CADM2: variants seen among roughly 807,000 people sequenced by gnomAD.
The protein encoded by CADM2 is cell adhesion molecule 2, also known as immunoglobulin superfamily member 4D.
A neutral mutation model predicts 49.8 loss-of-function variants in CADM2; 12 were observed. The observed-to-expected ratio is 0.24, with a 90% CI of 0.15 to 0.39. CADM2 has a LOEUF of 0.39. CADM2 is among the 10% of genes least tolerant of loss of function. The pLI is 1.00. For synonymous variants in CADM2, 214 were observed against 175.4 expected, an observed-to-expected ratio of 1.22 and a Z score of -1.74; for missense variants, 378 against 492.3, an observed-to-expected ratio of 0.77 and a Z score of 2.20.
intron 1 of CADM2, among the ~76,000 whole-genome samples, chr3:85,270,173 T>C (rs1287479198): frequency 6.6e-6 from 1 of 151,332 alleles, no homozygotes. Context: ...TAAAATATTT[T>C]AAAATGGAAT....
At chr3:85,511,765 C>A in intron 1 of CADM2, 1 of 378,020 alleles carries the variant, frequency 2.6e-6, no homozygotes, top group Non-Finnish European at 3.6e-6. Flanking sequence ...AGAATTGTGA[C>A]TGTAATCCAC....
intron 1 of CADM2, among the ~76,000 whole-genome samples, chr3:85,416,969 C>T (rs2035946137): frequency 6.6e-6 from 1 of 151,872 alleles, no homozygotes. Context: ...TTCAATTGTG[C>T]TTTATTCAAA....
intron 8 of CADM2, among the ~76,000 whole-genome samples, chr3:86,049,623 G>C (rs1737102891): frequency 6.6e-6 from 1 of 152,110 alleles, no homozygotes; most frequent in Admixed American, 6.5e-5. Flanking sequence ...GGCTGTACGA[G>C]AAATGCGATG....
intron 8 of CADM2, among the ~76,000 whole-genome samples, chr3:86,002,016 A>G (rs1469656270): frequency 7.9e-5 from 12 of 152,098 alleles, no homozygotes; most frequent in Admixed American, 6.5e-4. Context: ...ATGGGAACAG[A>G]TGAGTGGATG....
intron 1 of CADM2, among the ~76,000 whole-genome samples, chr3:85,055,352 T>C (rs1468731333): frequency 1.3e-5 from 2 of 151,972 alleles, no homozygotes; most frequent in African/African-American, 4.8e-5. Context: ...GGAAACTTTC[T>C]TTTCCAAGCC....
chr3:85,416,225 GGGAGGT>G (rs1447671093), intron 1 of CADM2, among the ~76,000 whole-genome samples: 1 of 151,950 alleles, frequency 6.6e-6, no homozygotes, highest in Non-Finnish European at 1.5e-5. Flanking sequence ...TGATATTAGA[GGGAGGT>G]AGTCTATTTA....
At chr3:86,049,412 C>G (rs1386000377) in intron 8 of CADM2, among the ~76,000 whole-genome samples, 1 of 151,548 alleles carries the variant, frequency 6.6e-6, no homozygotes, top group East Asian at 1.9e-4. Context: ...GTAGCTGGGA[C>G]TACAGGCACC....
intron 1 of CADM2, among the ~76,000 whole-genome samples, chr3:85,554,884 T>TTA (rs200557592): frequency 0.029 from 4,282 of 150,150 alleles, 169 homozygotes; most frequent in South Asian, 0.1. Flanking sequence ...TTATTTTTAT[T>TTA]TTTTTTTTTT....
rs551020303 is a variant in CADM2 at position 85,769,468 on chromosome 3, A to G, written c.89-32579A>G. 5.5e-5 allele frequency among the ~76,000 whole-genome samples: 3 copies of G among 54,928 alleles called. 1 individual carries two copies. Among genetic ancestry groups the G allele is most frequent in the African/African-American group, 3.7e-4 (3 of 8,162 alleles). The allele number at this position is 54,928 out of a possible 152,430, so 36.0% of individuals were successfully genotyped here. A position where few individuals can be genotyped will look rare whatever the true frequency, so the allele number is the denominator to read the frequency against. On this transcript the variant is annotated intron_variant, in intron 2 of 9. Transcript: ENST00000383699. ...CACGTATATACATATATACATATAT[A>G]GTATATATACACGTATATACATATA...
chr3:85,826,161 T>A (rs2108208955), intron 3 of CADM2, among the ~76,000 whole-genome samples: 1 of 152,166 alleles, frequency 6.6e-6, no homozygotes, highest in Non-Finnish European at 1.5e-5. Flanking sequence ...TTTATCATTC[T>A]GATATGACTC....
chr3:85,802,847 C>CT (rs1559668338), intron 3 of CADM2, among the ~76,000 whole-genome samples: 1 of 152,110 alleles, frequency 6.6e-6, no homozygotes, highest in East Asian at 1.9e-4. Flanking sequence ...ACACAAATGT[C>CT]TAAGCTTTCA....
At chr3:85,265,331 A>G (rs1464828774) in intron 1 of CADM2, among the ~76,000 whole-genome samples, 2 of 150,810 alleles carry the variant, frequency 1.3e-5, no homozygotes, top group East Asian at 1.9e-4. Context: ...TTATGCTGCT[A>G]TAACAGAATA....
intron 3 of CADM2, among the ~76,000 whole-genome samples, chr3:85,838,708 T>A (rs1024883696): frequency 1.3e-5 from 2 of 151,816 alleles, no homozygotes; most frequent in Non-Finnish European, 2.9e-5. Context: ...ACTAAATTAC[T>A]TCTCACTGAC....
chr3:86,039,047 T>A (rs41526847), intron 8 of CADM2, among the ~76,000 whole-genome samples: 5,198 of 152,206 alleles, frequency 0.034, 176 homozygotes, highest in African/African-American at 0.083. Context: ...CCTGTTAGGG[T>A]CTTTCTATCA....
chr3:85,868,560 A>G (rs2075806230), intron 3 of CADM2, among the ~76,000 whole-genome samples: 1 of 152,102 alleles, frequency 6.6e-6, no homozygotes, highest in African/African-American at 2.4e-5. Flanking sequence ...TATCATGTGG[A>G]AGATAAATTG....
chr3:85,079,574 T>A (rs2037081959), intron 1 of CADM2, among the ~76,000 whole-genome samples: 1 of 151,578 alleles, frequency 6.6e-6, no homozygotes, highest in Non-Finnish European at 1.5e-5. Context: ...GTGTTAGGAG[T>A]ATTTAACCAT....
chr3:85,271,129 C>T (rs751899724), intron 1 of CADM2, among the ~76,000 whole-genome samples: 3 of 151,220 alleles, frequency 2.0e-5, no homozygotes, highest in Non-Finnish European at 4.4e-5. Context: ...AAGAGATGAA[C>T]GATTAGCAGT....
At chr3:85,929,174 C>T (rs1037659638) in intron 6 of CADM2, among the ~76,000 whole-genome samples, 1 of 151,908 alleles carries the variant, frequency 6.6e-6, no homozygotes. Flanking sequence ...TGTATTGAAC[C>T]AAAAGAGTCA....
At chr3:85,523,906 T>G (rs374815003) in intron 1 of CADM2, among the ~76,000 whole-genome samples, 2 of 152,150 alleles carry the variant, frequency 1.3e-5, no homozygotes, top group Non-Finnish European at 2.9e-5. Flanking sequence ...ATTTGTACAC[T>G]GTAGCCCAAC....
Sources: gnomAD v4.1 joint callset for allele counts (sites outside exome capture counted in the v4.1 genomes callset) on GRCh38, gnomAD v4.1.1 for gene constraint, MANE v1.5 for transcripts, NCBI Gene and HGNC (gene_info 2026-07-23, HGNC 2026-07-21) for gene names.